The following OSBP2 variants were observed in gnomAD, a reference collection of about 807,000 sequenced individuals.
OSBP2 encodes oxysterol binding protein 2.
Under a neutral mutation model 96.0 loss-of-function variants are expected in OSBP2, and 66 were observed. The observed-to-expected ratio is 0.69, with a 90% CI of 0.56 to 0.84. The LOEUF (loss-of-function observed/expected upper bound fraction) is 0.84. OSBP2 is among the 40% of genes least tolerant of loss of function. OSBP2 has a pLI of 0.00. For synonymous variants in OSBP2, 525 were observed against 520.9 expected (o/e 1.01, Z -0.11); for missense variants, 1,038 against 1,222.7 (o/e 0.85, Z 2.25).
At chr22:30,788,610 C>T (rs1424872767) in intron 2 of OSBP2, among the ~76,000 whole-genome samples, 2 of 152,184 alleles carry the variant, frequency 1.3e-5, no homozygotes, top group Non-Finnish European at 2.9e-5. Flanking sequence ...AGATTATCAC[C>T]GTAGCTCCAG....
chr22:30,868,423 A>G (rs73154698), intron 2 of OSBP2, among the ~76,000 whole-genome samples: 16,220 of 152,244 alleles, frequency 0.11, 1,042 homozygotes, highest in Middle Eastern at 0.18. Flanking sequence ...TGGCCTCCAG[A>G]CGTCTGGGGG....
At chr22:30,805,443 G>C (rs2090915602) in intron 2 of OSBP2, among the ~76,000 whole-genome samples, 1 of 152,210 alleles carries the variant, frequency 6.6e-6, no homozygotes, top group South Asian at 2.1e-4. Flanking sequence ...TGAGAGACCT[G>C]AGTTTGAATC....
intron 2 of OSBP2, among the ~76,000 whole-genome samples, chr22:30,866,358 C>A (rs2039337722): frequency 1.3e-5 from 2 of 152,220 alleles, no homozygotes; most frequent in African/African-American, 4.8e-5. Context: ...CAAAGCAACG[C>A]CTTCTCCCCT....
chr22:30,847,516 G>A (rs1329721640), intron 2 of OSBP2, among the ~76,000 whole-genome samples: 1 of 152,132 alleles, frequency 6.6e-6, no homozygotes, highest in Admixed American at 6.5e-5. Flanking sequence ...TCCTGACCTC[G>A]TGATCCACCC....
chr22:30,897,327 A>C lies in OSBP2; in HGVS notation c.2375+3326A>C, dbSNP rs1401237353. Among the ~76,000 whole-genome samples the C allele has an allele frequency of 8.5e-5, 13 of 152,252 alleles. No individual in the cohort carries two copies. In the East Asian group the frequency reaches 2.5e-3, roughly 29 times the overall value. On this transcript the variant is annotated intron_variant, in intron 12 of 13. Coordinates refer to ENST00000332585, the MANE Select transcript of OSBP2 (RefSeq NM_030758.4). ...TGTTGATAGGTCAAATGGAAACAAT[A>C]AACAATCCAGCAAGTATATGGAGAT...
chr22:30,823,117 GC>G (rs2146983841), intron 2 of OSBP2, among the ~76,000 whole-genome samples: 1 of 152,302 alleles, frequency 6.6e-6, no homozygotes, highest in South Asian at 2.1e-4. Context: ...GCCCACAAGG[GC>G]CTCGTCCTGG....
At chr22:30,854,868 C>T (rs559151158) in intron 2 of OSBP2, among the ~76,000 whole-genome samples, 3 of 152,318 alleles carry the variant, frequency 2.0e-5, no homozygotes, top group Non-Finnish European at 4.4e-5. Context: ...CACAGTTCAG[C>T]ATGGCTGGGG....
chr22:30,713,079 ATTTT>A (rs136387), intron 1 of OSBP2, among the ~76,000 whole-genome samples: 3 of 123,410 alleles, frequency 2.4e-5, no homozygotes, highest in Admixed American at 8.3e-5. Context: ...CACTTGGCTA[ATTTT>A]TTTTTTTTTT....
At chr22:30,742,906 T>G (rs1189101739) in intron 2 of OSBP2, among the ~76,000 whole-genome samples, 1 of 152,204 alleles carries the variant, frequency 6.6e-6, no homozygotes, top group Non-Finnish European at 1.5e-5. Context: ...TTCTTCAAGG[T>G]ATTGTCAAAC....
rs780882481 is a variant in OSBP2 at position 30,905,829 on chromosome 22, C to T, written c.2376-8C>T. On this transcript the variant is annotated splice_polypyrimidine_tract_variant and splice_region_variant and intron_variant, in intron 12 of 13. Coordinates refer to ENST00000332585, the MANE Select transcript of OSBP2 (RefSeq NM_030758.4). Reference sequence around the variant, plus strand: ...CAGCCACCGCCACCGCCACCACCACCGCCACAGGGAGAACGCGGAGAACAT... The same window carrying T: ...CAGCCACCGCCACCGCCACCACCACTGCCACAGGGAGAACGCGGAGAACAT... 28 of 1,612,466 alleles carry T rather than the reference C, an allele frequency of 1.7e-5. No homozygotes were observed. The highest frequency in any genetic ancestry group is 2.2e-5 in the East Asian group (1 of 44,836).
At chr22:30,862,168 G>A (rs1008470634) in intron 2 of OSBP2, among the ~76,000 whole-genome samples, 3 of 152,184 alleles carry the variant, frequency 2.0e-5, no homozygotes, top group African/African-American at 4.8e-5. Context: ...TGGGCAGAGC[G>A]TTGGCAGCCC....
intron 2 of OSBP2, among the ~76,000 whole-genome samples, chr22:30,760,685 G>A (rs1234728146): frequency 1.3e-5 from 2 of 152,010 alleles, no homozygotes; most frequent in Admixed American, 6.6e-5. Flanking sequence ...GCATGGTGGT[G>A]CACACCTGTA....
chr22:30,858,879 CAATAATAATAATAATAAT>C (rs137975802), intron 2 of OSBP2, among the ~76,000 whole-genome samples: 6 of 141,402 alleles, frequency 4.2e-5, no homozygotes, highest in African/African-American at 1.3e-4. Flanking sequence ...GACTCTGTCT[CAATAATAATAATAATAAT>C]AATAATAATA....
At chr22:30,887,767 G>T in intron 4 of OSBP2, 149 bp downstream of exon 4, 1 of 647,756 alleles carries the variant, frequency 1.5e-6, no homozygotes, top group Non-Finnish European at 2.6e-6. Context: ...TCGTGGTTTT[G>T]TATCTCCCAT....
intron 12 of OSBP2, chr22:30,902,851 A>G (rs554288983): frequency 3.2e-6 from 1 of 317,062 alleles, no homozygotes; most frequent in Non-Finnish European, 6.4e-6. Context: ...CCCCTGGGCC[A>G]TGTTCCTGCA....
intron 2 of OSBP2, among the ~76,000 whole-genome samples, chr22:30,808,689 T>C (rs2090965495): frequency 6.6e-6 from 1 of 151,950 alleles, no homozygotes. Flanking sequence ...GCGTGGTGGC[T>C]GACACCTGTA....
chr22:30,700,589 G>C (rs2089141223), intron 1 of OSBP2, among the ~76,000 whole-genome samples: 1 of 152,004 alleles, frequency 6.6e-6, no homozygotes. Context: ...CTGTTTTGTT[G>C]TATACCAGTT....
In OSBP2 at chr22:30,889,522, TTCATCCA is replaced by T; in HGVS notation, c.1510_1516del (p.Ser504LysfsTer22). On this transcript the variant is annotated frameshift_variant, in exon 7 of 14. Transcript: ENST00000332585. LOFTEE classifies it high-confidence loss of function. Reference sequence around the variant, plus strand: ...ATGGTGCCTCGCTCGTGCCCAAGGGTTCATCCAAAGTCAAGAGGCGAGTCCGCATTCC... The same window carrying T: ...ATGGTGCCTCGCTCGTGCCCAAGGGTAAGTCAAGAGGCGAGTCCGCATTCC... 1 of 1,613,880 alleles carries T rather than the reference TTCATCCA, an allele frequency of 6.2e-7. No individual in the cohort carries two copies. The highest frequency in any genetic ancestry group is 8.5e-7 in the Non-Finnish European group (1 of 1,179,974).
rs532325053 is a variant in OSBP2 at position 30,886,913 on chromosome 22, G to T, written c.1108-513G>T. Among the ~76,000 whole-genome samples, 14 of 152,294 alleles carry T rather than the reference G, an allele frequency of 9.2e-5. No individual in the cohort carries two copies. In the East Asian group the frequency reaches 2.3e-3, roughly 25 times the overall value. On this transcript the variant is annotated intron_variant, in intron 3 of 13. Coordinates refer to ENST00000332585, the MANE Select transcript of OSBP2 (RefSeq NM_030758.4). ...ACAAGAAAGAATTCAAGGCGAGTCT[G>T]CTGTGCAAAGTGAGAGCAAGTTTAT...
Sources: allele counts gnomAD v4.1 joint callset (sites outside exome capture counted in the v4.1 genomes callset), GRCh38; gene constraint gnomAD v4.1.1; transcripts MANE v1.5; gene names NCBI Gene and HGNC (gene_info 2026-07-23, HGNC 2026-07-21).